ZNRF1: variants seen among roughly 807,000 people sequenced by gnomAD.
The protein encoded by ZNRF1 is zinc and ring finger 1.
A neutral mutation model predicts 18.4 loss-of-function variants in ZNRF1; 3 were observed. The observed-to-expected ratio is 0.16, with a 90% CI of 0.07 to 0.42. ZNRF1 has a LOEUF of 0.42. Among genes scored for constraint, ZNRF1 ranks in the 10% least tolerant of loss-of-function variants. The probability of loss-of-function intolerance (pLI) is 0.99; values close to 1 mark genes in which losing one functional copy is unlikely to be tolerated. For synonymous variants in ZNRF1, 157 were observed against 144.2 expected, an observed-to-expected ratio of 1.09 and a Z score of -0.64; for missense variants, 310 against 329.8, an observed-to-expected ratio of 0.94 and a Z score of 0.47.
intron 1 of ZNRF1, among the ~76,000 whole-genome samples, chr16:75,031,828 G>T (rs528523842): frequency 1.1e-4 from 16 of 152,194 alleles, no homozygotes; most frequent in South Asian, 4.2e-4. Context: ...AGAATTGCTC[G>T]GTCAGTTCTA....
At position 75,109,378 on chromosome 16, in the gene ZNRF1, CCT is replaced by C. The variant is rs1184892560; in HGVS notation, c.*1683_*1684del. The stretch of plus-strand genomic sequence containing the variant: ...GCTCTAGAGGGAGACGACTCCACCG[CCT>C]CTCTGCTCTGACCCTTCTCAGGCCC... On this transcript the variant is annotated 3_prime_UTR_variant, in exon 5 of 5. Transcript: ENST00000335325. 1 of 152,662 alleles carries C rather than the reference CCT, an allele frequency of 6.6e-6. No homozygotes were observed. Among genetic ancestry groups the C allele is most frequent in the African/African-American group, 2.4e-5 (1 of 41,466 alleles). 9.5% of individuals were successfully genotyped at this position (152,662 alleles called of 1,614,324 possible). A position where few individuals can be genotyped will look rare whatever the true frequency, so the allele number is the denominator to read the frequency against.
At chr16:75,015,129 T>C (rs1324801705) in intron 1 of ZNRF1, among the ~76,000 whole-genome samples, 1 of 152,220 alleles carries the variant, frequency 6.6e-6, no homozygotes, top group African/African-American at 2.4e-5. Flanking sequence ...TGATTTCTTA[T>C]GGTTACTTAA....
chr16:75,003,551 A>G (rs1015343804), intron 1 of ZNRF1, among the ~76,000 whole-genome samples: 3 of 152,188 alleles, frequency 2.0e-5, no homozygotes, highest in Non-Finnish European at 4.4e-5. Flanking sequence ...CTCACACAAG[A>G]TCAGGTGGTT....
intron 2 of ZNRF1, among the ~76,000 whole-genome samples, chr16:75,097,012 C>G (rs560516038): frequency 6.6e-6 from 1 of 152,218 alleles, no homozygotes; most frequent in Non-Finnish European, 1.5e-5. Context: ...ATGTTAAACC[C>G]CCTGTCCTCC....
intron 1 of ZNRF1, among the ~76,000 whole-genome samples, chr16:75,025,234 A>AT (rs900200270): frequency 1.6e-4 from 24 of 151,826 alleles, no homozygotes; most frequent in African/African-American, 5.6e-4. Context: ...CACCCGGCTA[A>AT]TTTTTTTGTA....
intron 2 of ZNRF1, among the ~76,000 whole-genome samples, chr16:75,097,372 G>C (rs1230450914): frequency 6.6e-6 from 1 of 152,068 alleles, no homozygotes; most frequent in Admixed American, 6.6e-5. Context: ...AGGTTCATTT[G>C]CCAGCAGCAC....
intron 1 of ZNRF1, among the ~76,000 whole-genome samples, chr16:75,048,617 T>G (rs959482896): frequency 1.7e-4 from 26 of 152,348 alleles, no homozygotes; most frequent in African/African-American, 5.3e-4. Context: ...CTTTTGTAAC[T>G]TGTCGGCTCT....
intron 1 of ZNRF1, among the ~76,000 whole-genome samples, chr16:75,063,360 G>A (rs920732770): frequency 6.6e-6 from 1 of 152,042 alleles, no homozygotes; most frequent in Non-Finnish European, 1.5e-5. Context: ...TGGAGGTGAG[G>A]GTTTAATTCC....
In ZNRF1 at chr16:75,109,810, T is replaced by G. The variant is rs2036360889; in HGVS notation, c.*2110T>G. ...GAGCTGCCCTGCAGGTCTTGGCACATGCACAGCAGGCTCCCCATAGCTTTG... is the reference window on the plus strand; with the variant it reads ...GAGCTGCCCTGCAGGTCTTGGCACAGGCACAGCAGGCTCCCCATAGCTTTG... On this transcript the variant is annotated 3_prime_UTR_variant, in exon 5 of 5. Transcript: ENST00000335325. 6.6e-6 allele frequency: 1 copy of G among 152,302 alleles called. No individual in the cohort carries two copies. Among genetic ancestry groups the G allele is most frequent in the African/African-American group, 2.4e-5 (1 of 41,470 alleles). The allele number at this position is 152,302 out of a possible 1,614,324, so 9.4% of individuals were successfully genotyped here. A position where few individuals can be genotyped will look rare whatever the true frequency, so the allele number is the denominator to read the frequency against.
intron 2 of ZNRF1, among the ~76,000 whole-genome samples, chr16:75,099,001 G>A (rs1036486284): frequency 2.0e-5 from 3 of 152,190 alleles, no homozygotes; most frequent in Non-Finnish European, 4.4e-5. Flanking sequence ...TCAGTGACCA[G>A]GTTCCTCCAT....
At chr16:75,001,640 G>T (rs975013208) in intron 1 of ZNRF1, among the ~76,000 whole-genome samples, 26 of 152,204 alleles carry the variant, frequency 1.7e-4, no homozygotes, top group African/African-American at 6.3e-4. Context: ...TAAAAGAACT[G>T]TAATGAGCAT....
At chr16:75,101,351 C>G (rs1028696306) in intron 2 of ZNRF1, among the ~76,000 whole-genome samples, 2 of 152,296 alleles carry the variant, frequency 1.3e-5, no homozygotes, top group East Asian at 1.9e-4. Flanking sequence ...GTCAAGAGAT[C>G]AAGACCATCC....
chr16:75,083,015 T>C (rs1453399790), intron 1 of ZNRF1, among the ~76,000 whole-genome samples: 1 of 152,238 alleles, frequency 6.6e-6, no homozygotes, highest in Non-Finnish European at 1.5e-5. Flanking sequence ...CTTAAAATTA[T>C]AAATATCTGT....
intron 1 of ZNRF1, among the ~76,000 whole-genome samples, chr16:75,051,530 T>TG (rs200339905): frequency 0.018 from 2,729 of 147,898 alleles, 53 homozygotes; most frequent in African/African-American, 0.034. Context: ...CTTTTTTTTT[T>TG]TGGGGGGGAC....
At chr16:75,001,809 C>T (rs2034853421) in intron 1 of ZNRF1, among the ~76,000 whole-genome samples, 2 of 152,142 alleles carry the variant, frequency 1.3e-5, no homozygotes, top group Admixed American at 1.3e-4. Context: ...TATGCTACTA[C>T]CAGGTTCCAT....
At chr16:75,058,924 A>C (rs1164275368) in intron 1 of ZNRF1, among the ~76,000 whole-genome samples, 1 of 152,164 alleles carries the variant, frequency 6.6e-6, no homozygotes, top group Admixed American at 6.5e-5. Flanking sequence ...AGCTGCTGCC[A>C]AATGTTACCC....
intron 1 of ZNRF1, among the ~76,000 whole-genome samples, chr16:75,089,451 C>T (rs1167247527): frequency 2.6e-5 from 4 of 152,124 alleles, no homozygotes; most frequent in African/African-American, 9.7e-5. Flanking sequence ...ACAGAAACAC[C>T]AGAGGTAGTA....
At chr16:75,026,448 C>T (rs1165903214) in intron 1 of ZNRF1, among the ~76,000 whole-genome samples, 4 of 152,022 alleles carry the variant, frequency 2.6e-5, no homozygotes, top group Non-Finnish European at 4.4e-5. Flanking sequence ...TTCCTTCATG[C>T]CTCTAGAAAG....
At chr16:75,060,806 GC>G (rs1301169920) in intron 1 of ZNRF1, among the ~76,000 whole-genome samples, 13 of 152,054 alleles carry the variant, frequency 8.5e-5, no homozygotes, top group African/African-American at 2.7e-4. Flanking sequence ...CTTGGCCGCA[GC>G]TTTGATTTTG....
Sources: allele counts gnomAD v4.1 joint callset (sites outside exome capture counted in the v4.1 genomes callset), GRCh38; gene constraint gnomAD v4.1.1; transcripts MANE v1.5; gene names NCBI Gene and HGNC (gene_info 2026-07-23, HGNC 2026-07-21).